Variants in LRFN5 observed in about 807,000 individuals in gnomAD.
LRFN5 encodes the protein leucine-rich repeat and fibronectin type-III domain-containing protein 5.
In LRFN5, 24 loss-of-function variants were observed where a neutral mutation model predicts 45.6. That is an observed-to-expected ratio of 0.53 (90% CI 0.38 to 0.74). The LOEUF is 0.74. Among genes scored for constraint, LRFN5 ranks in the 30% least tolerant of loss-of-function variants. The pLI is 0.00. For missense variants in LRFN5, 776 were observed against 861.5 expected (o/e 0.90, Z 1.24); for synonymous variants, 340 against 313.8 (o/e 1.08, Z -0.88).
intron 2 of LRFN5, among the ~76,000 whole-genome samples, chr14:41,859,856 T>C (rs1358650004): frequency 6.6e-6 from 1 of 152,178 alleles, no homozygotes; most frequent in Non-Finnish European, 1.5e-5. Context: ...AGTATCATTT[T>C]CCCCTTATTT....
intron 1 of LRFN5, among the ~76,000 whole-genome samples, chr14:41,630,185 A>G (rs879319781): frequency 1.3e-4 from 20 of 152,220 alleles, no homozygotes; most frequent in Non-Finnish European, 2.1e-4. Flanking sequence ...CTATAGGATG[A>G]TATCTGAAAA....
chr14:41,790,380 G>T (rs1164680114), intron 2 of LRFN5, among the ~76,000 whole-genome samples: 4 of 151,382 alleles, frequency 2.6e-5, no homozygotes, highest in African/African-American at 4.8e-5. Flanking sequence ...GTCCTTTAAA[G>T]GTACTACTAA....
At chr14:41,681,724 A>G (rs1205322847) in intron 1 of LRFN5, among the ~76,000 whole-genome samples, 2 of 152,042 alleles carry the variant, frequency 1.3e-5, no homozygotes, top group East Asian at 3.8e-4. Context: ...AGTAAAAGTT[A>G]GTACACAGGA....
At chr14:41,856,501 GA>G (rs984271592) in intron 2 of LRFN5, among the ~76,000 whole-genome samples, 11 of 151,664 alleles carry the variant, frequency 7.3e-5, no homozygotes, top group Admixed American at 2.6e-4. Flanking sequence ...AGTAATGGAA[GA>G]AAAAACTTAT....
In LRFN5 at chr14:41,852,212, T is replaced by A. The variant is rs1889292152; in HGVS notation, c.-20-34394T>A. Among the ~76,000 whole-genome samples, 7 of 152,012 alleles carry A rather than the reference T, an allele frequency of 4.6e-5. No individual in the cohort carries two copies. The South Asian group carries it at 1.5e-3, about 31-fold the overall frequency. On this transcript the variant is annotated intron_variant, in intron 2 of 5. Transcript: ENST00000298119. ...GTTAGAAAGTACTCTATGAACAAGA[T>A]CAAATTATGTTAATTCACTCTCAGA...
At chr14:41,659,687 CT>C (rs1248730517) in intron 1 of LRFN5, among the ~76,000 whole-genome samples, 1 of 152,046 alleles carries the variant, frequency 6.6e-6, no homozygotes, top group African/African-American at 2.4e-5. Flanking sequence ...AAGCATTCCT[CT>C]TTTTCCACAT....
At chr14:41,654,315 A>G (rs1241947616) in intron 1 of LRFN5, among the ~76,000 whole-genome samples, 2 of 152,108 alleles carry the variant, frequency 1.3e-5, no homozygotes, top group Non-Finnish European at 2.9e-5. Context: ...GGAGAAGACA[A>G]TAGGTAATAG....
chr14:41,781,558 GAGAAAGAAAGAAAGAAAGAAAGAAAGAA>G (rs55859357), intron 2 of LRFN5, among the ~76,000 whole-genome samples: 36 of 106,990 alleles, frequency 3.4e-4, no homozygotes, highest in South Asian at 1.1e-3. Flanking sequence ...AGAAAAGAAA[GAGAAAGAAAGAAAGAAAGAAAGAAAGAA>G]AGAAAGAAAG....
intron 2 of LRFN5, among the ~76,000 whole-genome samples, chr14:41,854,476 A>G (rs866394879): frequency 1.3e-5 from 2 of 152,222 alleles, no homozygotes; most frequent in African/African-American, 4.8e-5. Context: ...AGACCTGCAC[A>G]TTGTGCACAT....
chr14:41,845,205 G>A (rs937917814), intron 2 of LRFN5, among the ~76,000 whole-genome samples: 1 of 151,948 alleles, frequency 6.6e-6, no homozygotes. Context: ...TAATAAGCAT[G>A]CATTATATAA....
chr14:41,650,264 CACAAAAAA>C (rs1252934229), intron 1 of LRFN5, among the ~76,000 whole-genome samples: 13 of 130,406 alleles, frequency 1.0e-4, no homozygotes, highest in Admixed American at 6.4e-4. Context: ...CACACACACA[CACAAAAAA>C]AAAAAAGATA....
intron 1 of LRFN5, among the ~76,000 whole-genome samples, chr14:41,617,440 G>A (rs1327600372): frequency 6.6e-6 from 1 of 152,064 alleles, no homozygotes; most frequent in African/African-American, 2.4e-5. Flanking sequence ...GCTACACCTA[G>A]GGGATTGCCC....
At chr14:41,693,996 A>AT (rs1421533880) in intron 1 of LRFN5, among the ~76,000 whole-genome samples, 4 of 151,574 alleles carry the variant, frequency 2.6e-5, no homozygotes, top group Admixed American at 2.0e-4. Flanking sequence ...GATTTTGGCA[A>AT]TTATTTTTCT....
chr14:41,773,262 T>C (rs1185885251), intron 2 of LRFN5, among the ~76,000 whole-genome samples: 1 of 152,174 alleles, frequency 6.6e-6, no homozygotes, highest in African/African-American at 2.4e-5. Flanking sequence ...TGTTTCTCCC[T>C]GAGCAGCTCA....
chr14:41,735,055 A>G (rs776370979), intron 1 of LRFN5, among the ~76,000 whole-genome samples: 7 of 151,878 alleles, frequency 4.6e-5, no homozygotes, highest in Non-Finnish European at 1.5e-5. Flanking sequence ...TAAATATTTG[A>G]TTTATTTTCT....
intron 2 of LRFN5, among the ~76,000 whole-genome samples, chr14:41,815,296 C>T (rs954772922): frequency 2.6e-5 from 4 of 152,028 alleles, no homozygotes; most frequent in Non-Finnish European, 5.9e-5. Flanking sequence ...TGTAATGCCC[C>T]TCTTTATATG....
Position 41,891,526 on chromosome 14 carries a change from T to G in LRFN5, c.1662T>G (p.Val554=), listed in dbSNP as rs1342561240. The G allele has an allele frequency of 6.2e-7, 1 of 1,614,158 alleles. No homozygotes were observed. Among genetic ancestry groups the G allele is most frequent in the Non-Finnish European group, 8.5e-7 (1 of 1,180,020 alleles). The part of the protein sequence containing the change: ...FIIILMIRYK[V]CNNNGQHKVT... ...TTATTCTGATGATCCGGTATAAGGT[T>G]TGCAACAATAATGGGCAACACAAGG... Residue 554 remains valine (V), a synonymous_variant, in exon 4 of 6, where the codon GTT becomes GTG. Coordinates refer to ENST00000298119, the MANE Select transcript of LRFN5 (RefSeq NM_152447.5).
chr14:41,692,941 T>C (rs1462222950), intron 1 of LRFN5, among the ~76,000 whole-genome samples: 1 of 151,894 alleles, frequency 6.6e-6, no homozygotes, highest in Non-Finnish European at 1.5e-5. Context: ...TAAAGTTTAC[T>C]TTTTTTTCCT....
chr14:41,648,819 A>G (rs1594580384), intron 1 of LRFN5, among the ~76,000 whole-genome samples: 1 of 152,214 alleles, frequency 6.6e-6, no homozygotes, highest in East Asian at 1.9e-4. Context: ...TATTTGAAGG[A>G]CAAACCTTTA....
Sources: gnomAD v4.1 joint callset for allele counts (sites outside exome capture counted in the v4.1 genomes callset) on GRCh38, gnomAD v4.1.1 for gene constraint, MANE v1.5 for transcripts, NCBI Gene and HGNC (gene_info 2026-07-23, HGNC 2026-07-21) for gene names.